The following GPR158 variants were observed in gnomAD, a reference collection of about 807,000 sequenced individuals.
The protein encoded by GPR158 is G protein-coupled receptor 158.
In GPR158, 30 loss-of-function variants were observed where a neutral mutation model predicts 78.2. That is an observed-to-expected ratio of 0.38 (90% CI 0.29 to 0.52). The LOEUF is 0.52. Ranked by LOEUF, GPR158 falls within the 20% of genes least tolerant of loss-of-function variation. GPR158 has a pLI of 0.83. For synonymous variants in GPR158, 581 were observed against 591.1 expected, an observed-to-expected ratio of 0.98 and a Z score of 0.25; for missense variants, 1,463 against 1,523.5, an observed-to-expected ratio of 0.96 and a Z score of 0.66.
At chr10:25,480,967 T>C (rs1835657415) in intron 5 of GPR158, among the ~76,000 whole-genome samples, 1 of 152,176 alleles carries the variant, frequency 6.6e-6, no homozygotes, top group African/African-American at 2.4e-5. Context: ...TCTGCCAAGA[T>C]AGCCACTCTC....
At chr10:25,398,863 G>A (rs10828791) in intron 3 of GPR158, among the ~76,000 whole-genome samples, 13,642 of 152,096 alleles carry the variant, frequency 0.09, 691 homozygotes, top group East Asian at 0.17. Flanking sequence ...CAGAACAGTC[G>A]CTGCATGTTG....
chr10:25,335,644 T>C (rs1236192688), intron 2 of GPR158, among the ~76,000 whole-genome samples: 1 of 152,090 alleles, frequency 6.6e-6, no homozygotes, highest in African/African-American at 2.4e-5. Context: ...TCTGAAGGAA[T>C]GGCTATTGTA....
intron 5 of GPR158, among the ~76,000 whole-genome samples, chr10:25,511,308 A>AT (rs1166724713): frequency 3.9e-5 from 6 of 152,040 alleles, no homozygotes; most frequent in Admixed American, 1.3e-4. Context: ...GATGTTGAAC[A>AT]TTTTTCATAT....
At chr10:25,566,829 CTT>C (rs1418128277) in intron 6 of GPR158, among the ~76,000 whole-genome samples, 2 of 152,090 alleles carry the variant, frequency 1.3e-5, no homozygotes, top group South Asian at 4.1e-4. Context: ...GAAAATGAAA[CTT>C]TGAGAAATTG....
chr10:25,494,154 A>C (rs1835847261), intron 5 of GPR158, among the ~76,000 whole-genome samples: 1 of 152,166 alleles, frequency 6.6e-6, no homozygotes, highest in Non-Finnish European at 1.5e-5. Flanking sequence ...GAGGGAGAGG[A>C]AAGCCAAGAA....
intron 3 of GPR158, among the ~76,000 whole-genome samples, chr10:25,402,325 A>T (rs1482335677): frequency 6.6e-6 from 1 of 152,124 alleles, no homozygotes. Context: ...GAGGCTAAGA[A>T]ACATGGCAAG....
intron 1 of GPR158, among the ~76,000 whole-genome samples, chr10:25,212,009 A>T (rs1853138328): frequency 6.6e-6 from 1 of 152,086 alleles, no homozygotes. Flanking sequence ...TTCTACTTAA[A>T]CTTAAGCTAT....
intron 1 of GPR158, among the ~76,000 whole-genome samples, chr10:25,209,547 A>G (rs1011630547): frequency 1.3e-5 from 2 of 152,160 alleles, no homozygotes; most frequent in African/African-American, 4.8e-5. Context: ...AGAGCCTTAC[A>G]TGTAGTAGGG....
chr10:25,556,601 G>A (rs550369909), intron 6 of GPR158, among the ~76,000 whole-genome samples: 20 of 152,204 alleles, frequency 1.3e-4, no homozygotes, highest in African/African-American at 4.3e-4. Context: ...TAAGAACCAC[G>A]GGATTCACCA....
At chr10:25,224,588 T>G (rs1853347986) in intron 2 of GPR158, among the ~76,000 whole-genome samples, 1 of 151,996 alleles carries the variant, frequency 6.6e-6, no homozygotes, top group South Asian at 2.1e-4. Context: ...TATGTCACAA[T>G]TTTTGAAAAT....
At chr10:25,235,099 T>G (rs1853502342) in intron 2 of GPR158, among the ~76,000 whole-genome samples, 1 of 152,220 alleles carries the variant, frequency 6.6e-6, no homozygotes, top group Non-Finnish European at 1.5e-5. Flanking sequence ...AGGTATGTGT[T>G]GAAGCTGAGC....
intron 2 of GPR158, among the ~76,000 whole-genome samples, chr10:25,376,951 C>T (rs1480698131): frequency 3.3e-5 from 5 of 151,238 alleles, no homozygotes; most frequent in African/African-American, 1.2e-4. Flanking sequence ...TTTTAAACTA[C>T]CAGCTCTAAA....
At chr10:25,241,311 T>TTTCTTTTCTTTTCTCTTCTC (rs1554787218) in intron 2 of GPR158, among the ~76,000 whole-genome samples, 1,125 of 104,126 alleles carry the variant, frequency 0.011, 60 homozygotes, top group East Asian at 0.05. Flanking sequence ...TTTCTTTTCT[T>TTTCTTTTCTTTTCTCTTCTC]TTCTCTTCTC....
chr10:25,334,698 C>G (rs1855173906), intron 2 of GPR158, among the ~76,000 whole-genome samples: 1 of 151,946 alleles, frequency 6.6e-6, no homozygotes, highest in South Asian at 2.1e-4. Context: ...TGACCCAGTT[C>G]TCCTTGTAAG....
At chr10:25,457,889 C>G (rs1317914086) in intron 4 of GPR158, among the ~76,000 whole-genome samples, 1 of 151,976 alleles carries the variant, frequency 6.6e-6, no homozygotes, top group Non-Finnish European at 1.5e-5. Flanking sequence ...TGAAACAAAG[C>G]AAAATGAATT....
chr10:25,569,022 G>GA (rs1360907684), intron 6 of GPR158, among the ~76,000 whole-genome samples: 1 of 152,080 alleles, frequency 6.6e-6, no homozygotes, highest in African/African-American at 2.4e-5. Flanking sequence ...GACAATCCTA[G>GA]AAAAATACAT....
chr10:25,236,022 A>C (rs759849554), intron 2 of GPR158, among the ~76,000 whole-genome samples: 35 of 152,174 alleles, frequency 2.3e-4, no homozygotes, highest in Non-Finnish European at 4.4e-4. Context: ...CATAAATGTT[A>C]GCCAACCTCC....
At chr10:25,188,037 CT>C (rs1852712990) in intron 1 of GPR158, among the ~76,000 whole-genome samples, 1 of 152,142 alleles carries the variant, frequency 6.6e-6, no homozygotes, top group Admixed American at 6.6e-5. Context: ...TTCACAATTG[CT>C]TCAAAGAGAA....
chr10:25,528,393 T>C (rs1034460682), intron 5 of GPR158, among the ~76,000 whole-genome samples: 6 of 152,006 alleles, frequency 3.9e-5, no homozygotes, highest in African/African-American at 1.4e-4. Context: ...TTTTAAAATA[T>C]ACATACAACA....
Sources: allele counts gnomAD v4.1 joint callset (sites outside exome capture counted in the v4.1 genomes callset), GRCh38; gene constraint gnomAD v4.1.1; transcripts MANE v1.5; gene names NCBI Gene and HGNC (gene_info 2026-07-23, HGNC 2026-07-21).